ST6GALNAC3: variants seen among roughly 807,000 people sequenced by gnomAD.
ST6GALNAC3 encodes the protein ST6 N-acetylgalactosaminide alpha-2,6-sialyltransferase 3, also known as alpha-N-acetylgalactosaminide alpha-2,6-sialyltransferase 3.
A neutral mutation model predicts 32.7 loss-of-function variants in ST6GALNAC3; 25 were observed. The ratio of observed to expected loss-of-function variants is 0.76; its 90% CI spans 0.56 to 1.07. The LOEUF (loss-of-function observed/expected upper bound fraction) is 1.07, where lower values mean the gene tolerates loss of function less well. ST6GALNAC3 is among the 50% of genes least tolerant of loss of function. The pLI, the probability that ST6GALNAC3 is intolerant of heterozygous loss-of-function variation, is 0.00. For synonymous variants in ST6GALNAC3, 129 were observed against 133.1 expected (o/e 0.97, Z 0.21); for missense variants, 355 against 382.4 (o/e 0.93, Z 0.60).
At chr1:76,076,825 G>A (rs1257290111) in intron 1 of ST6GALNAC3, among the ~76,000 whole-genome samples, 4 of 152,070 alleles carry the variant, frequency 2.6e-5, no homozygotes, top group East Asian at 1.9e-4. Context: ...GAAAGTTGAC[G>A]CTCCCTAGTT....
intron 2 of ST6GALNAC3, among the ~76,000 whole-genome samples, chr1:76,334,379 A>G (rs943755712): frequency 3.9e-5 from 6 of 152,146 alleles, no homozygotes; most frequent in African/African-American, 1.4e-4. Flanking sequence ...AAATCACAAC[A>G]GCATACAATA....
chr1:76,231,290 G>A (rs1430490607), intron 1 of ST6GALNAC3, among the ~76,000 whole-genome samples: 1 of 152,100 alleles, frequency 6.6e-6, no homozygotes, highest in African/African-American at 2.4e-5. Flanking sequence ...TATAAACCAA[G>A]CAAATGTTTG....
chr1:76,147,193 G>A (rs1226483742), intron 1 of ST6GALNAC3, among the ~76,000 whole-genome samples: 1 of 151,620 alleles, frequency 6.6e-6, no homozygotes, highest in African/African-American at 2.4e-5. Context: ...CTCCCAAGTA[G>A]CTGAGATTAC....
At chr1:76,198,634 T>G (rs111580040) in intron 1 of ST6GALNAC3, among the ~76,000 whole-genome samples, 103 of 152,242 alleles carry the variant, frequency 6.8e-4, no homozygotes, top group African/African-American at 2.4e-3. Flanking sequence ...GAATCAAGTC[T>G]GCCTCAAGGT....
chr1:76,430,941 C>T (rs1299624212), intron 3 of ST6GALNAC3, among the ~76,000 whole-genome samples: 2 of 152,110 alleles, frequency 1.3e-5, no homozygotes, highest in Non-Finnish European at 1.5e-5. Flanking sequence ...TTATAGAAAT[C>T]GTGTAAAGCC....
chr1:76,414,446 A>G (rs752712579), intron 3 of ST6GALNAC3, among the ~76,000 whole-genome samples: 1 of 152,116 alleles, frequency 6.6e-6, no homozygotes, highest in Non-Finnish European at 1.5e-5. Context: ...ATGTTGATCA[A>G]AATGACCTCA....
intron 2 of ST6GALNAC3, among the ~76,000 whole-genome samples, chr1:76,367,988 A>G (rs1435839649): frequency 2.0e-5 from 3 of 152,180 alleles, no homozygotes; most frequent in Non-Finnish European, 4.4e-5. Flanking sequence ...TGGTCTCACT[A>G]CTTTGCTTTA....
chr1:76,392,539 A>G (rs570114208), intron 2 of ST6GALNAC3, among the ~76,000 whole-genome samples: 16 of 152,332 alleles, frequency 1.1e-4, no homozygotes, highest in Admixed American at 9.2e-4. Context: ...AAAATGGATA[A>G]TTAGCATTTT....
At chr1:76,601,362 G>A (rs1215978048) in intron 3 of ST6GALNAC3, among the ~76,000 whole-genome samples, 1 of 152,144 alleles carries the variant, frequency 6.6e-6, no homozygotes, top group Non-Finnish European at 1.5e-5. Flanking sequence ...TAATTTGATG[G>A]AAGTATGTAG....
At chr1:76,360,620 G>C (rs1649853522) in intron 2 of ST6GALNAC3, among the ~76,000 whole-genome samples, 1 of 152,054 alleles carries the variant, frequency 6.6e-6, no homozygotes, top group South Asian at 2.1e-4. Context: ...AATATTTCTG[G>C]TAGCTAATCA....
intron 2 of ST6GALNAC3, among the ~76,000 whole-genome samples, chr1:76,341,611 TTCTTTC>T (rs1202239690): frequency 2.2e-5 from 2 of 89,452 alleles, no homozygotes; most frequent in Non-Finnish European, 4.4e-5. Context: ...CTGCTTTTCT[TTCTTTC>T]TTTCTTTCTT....
chr1:76,377,953 G>T (rs1040494865), intron 2 of ST6GALNAC3, among the ~76,000 whole-genome samples: 1 of 152,132 alleles, frequency 6.6e-6, no homozygotes, highest in Non-Finnish European at 1.5e-5. Context: ...AGAAGATAGT[G>T]CCCCAGACAT....
At chr1:76,206,033 T>C (rs890876033) in intron 1 of ST6GALNAC3, among the ~76,000 whole-genome samples, 3 of 152,212 alleles carry the variant, frequency 2.0e-5, no homozygotes, top group Admixed American at 6.5e-5. Flanking sequence ...CTTTTCATAT[T>C]ATGGCTTGGT....
At chr1:76,318,675 C>T (rs1291133181) in intron 2 of ST6GALNAC3, among the ~76,000 whole-genome samples, 1 of 152,142 alleles carries the variant, frequency 6.6e-6, no homozygotes, top group Non-Finnish European at 1.5e-5. Context: ...ACTGTATTAT[C>T]AACTGGCTTT....
At chr1:76,454,586 G>A (rs2101568746) in intron 3 of ST6GALNAC3, among the ~76,000 whole-genome samples, 1 of 152,184 alleles carries the variant, frequency 6.6e-6, no homozygotes, top group African/African-American at 2.4e-5. Context: ...TAGTTGTTTT[G>A]TTTAAGGAGA....
chr1:76,159,812 A>G (rs1037168324), intron 1 of ST6GALNAC3, among the ~76,000 whole-genome samples: 4 of 152,312 alleles, frequency 2.6e-5, no homozygotes, highest in Non-Finnish European at 2.9e-5. Flanking sequence ...AAACTGTGCT[A>G]AGGGTTTTCC....
At chr1:76,102,996 C>A (rs2100779978) in intron 1 of ST6GALNAC3, among the ~76,000 whole-genome samples, 1 of 151,820 alleles carries the variant, frequency 6.6e-6, no homozygotes, top group South Asian at 2.1e-4. Context: ...CTGTTATGTT[C>A]TTTCAATACT....
chr1:76,624,209 G>A (rs1256285046), intron 3 of ST6GALNAC3, among the ~76,000 whole-genome samples: 2 of 151,898 alleles, frequency 1.3e-5, no homozygotes, highest in African/African-American at 4.8e-5. Flanking sequence ...AATTAGCATG[G>A]CATGTCTACA....
intron 2 of ST6GALNAC3, among the ~76,000 whole-genome samples, chr1:76,379,790 G>C (rs762735163): frequency 6.6e-6 from 1 of 152,128 alleles, no homozygotes; most frequent in Non-Finnish European, 1.5e-5. Context: ...CATGGCAGAG[G>C]GGAGTGGTGG....
Sources: gnomAD v4.1 joint callset for allele counts (sites outside exome capture counted in the v4.1 genomes callset) on GRCh38, gnomAD v4.1.1 for gene constraint, MANE v1.5 for transcripts, NCBI Gene and HGNC (gene_info 2026-07-23, HGNC 2026-07-21) for gene names.